MLLT3: variants seen among roughly 807,000 people sequenced by gnomAD.
The protein encoded by MLLT3 is protein AF-9.
In MLLT3, 4 loss-of-function variants were observed where a neutral mutation model predicts 53.2. That is an observed-to-expected ratio of 0.08 (90% CI 0.04 to 0.17). The LOEUF is 0.17. MLLT3 is among the 10% of genes least tolerant of loss of function. The probability of loss-of-function intolerance (pLI) is 1.00; values close to 1 mark genes in which losing one functional copy is unlikely to be tolerated. For missense variants in MLLT3, 569 were observed against 684.0 expected (o/e 0.83, Z 1.87); for synonymous variants, 283 against 230.6 (o/e 1.23, Z -2.06).
At chr9:20,497,810 CT>C (rs1825116461) in intron 2 of MLLT3, among the ~76,000 whole-genome samples, 6 of 152,182 alleles carry the variant, frequency 3.9e-5, no homozygotes, top group South Asian at 2.1e-4. Flanking sequence ...TTTCAATTCT[CT>C]TGGGTAAATA....
chr9:20,511,751 C>T (rs1817754566), intron 2 of MLLT3, among the ~76,000 whole-genome samples: 1 of 152,138 alleles, frequency 6.6e-6, no homozygotes, highest in Admixed American at 6.5e-5. Context: ...TACATACATA[C>T]ATATGCGCAC....
intron 2 of MLLT3, among the ~76,000 whole-genome samples, chr9:20,568,087 G>A (rs1819429752): frequency 6.6e-6 from 1 of 152,144 alleles, no homozygotes; most frequent in Admixed American, 6.6e-5. Flanking sequence ...AAGTAAAAGA[G>A]GGGTGTGTGT....
rs144541484 is a variant in MLLT3, at chr9:20,372,839, T to C, written c.1126-7095A>G. ...TATGACTAGCTGAAGGCCAAGAAAATTGTAAGCATTTCTGGCAACAAGGTA... is the reference window on the plus strand; with the variant it reads ...TATGACTAGCTGAAGGCCAAGAAAACTGTAAGCATTTCTGGCAACAAGGTA... On this transcript the variant is annotated intron_variant, in intron 5 of 10. Transcript: ENST00000380338. 3.3e-5 allele frequency among the ~76,000 whole-genome samples: 5 copies of C among 152,172 alleles called. No homozygotes were observed. The East Asian group carries it at 7.7e-4, about 24-fold the overall frequency.
chr9:20,571,871 G>T (rs906938355), intron 2 of MLLT3, among the ~76,000 whole-genome samples: 1 of 152,142 alleles, frequency 6.6e-6, no homozygotes, highest in Admixed American at 6.5e-5. Flanking sequence ...GAGAACAAAA[G>T]ATAACAAGTA....
rs560455791 is a variant in MLLT3, at chr9:20,483,241, A to T, written c.194-26455T>A. Among the ~76,000 whole-genome samples the T allele has an allele frequency of 2.5e-3, 371 of 148,842 alleles. 2 individuals carry two copies. Among genetic ancestry groups the T allele is most frequent in the South Asian group, 0.023 (107 of 4,736 alleles). On this transcript the variant is annotated intron_variant, in intron 2 of 10. Coordinates refer to ENST00000380338, the MANE Select transcript of MLLT3 (RefSeq NM_004529.4). The stretch of plus-strand genomic sequence containing the variant: ...ATTACTACAAATTATTATTATTATT[A>T]TTTTTTTTTTTGAGACAGGTTCTTG...
At chr9:20,383,157 A>C (rs1318988209) in intron 5 of MLLT3, among the ~76,000 whole-genome samples, 3 of 151,888 alleles carry the variant, frequency 2.0e-5, no homozygotes, top group African/African-American at 7.2e-5. Flanking sequence ...CTACAACACT[A>C]TTGTGTTGTA....
intron 2 of MLLT3, among the ~76,000 whole-genome samples, chr9:20,540,016 C>G (rs551134673): frequency 6.6e-5 from 10 of 152,332 alleles, no homozygotes; most frequent in African/African-American, 2.4e-4. Flanking sequence ...CTACAAACCC[C>G]AGGCAACTCC....
At chr9:20,546,660 A>C (rs1321510989) in intron 2 of MLLT3, among the ~76,000 whole-genome samples, 1 of 152,220 alleles carries the variant, frequency 6.6e-6, no homozygotes, top group Non-Finnish European at 1.5e-5. Context: ...ATGCACCTGA[A>C]TGTGCATTTA....
chr9:20,428,748 A>G lies in MLLT3; in HGVS notation c.421-14323T>C, dbSNP rs554170082. ...TAAAATTCACAGTCCTCACTGAAAG[A>G]CTGAATTAAAACAAAGGAGAGAAAG... On this transcript the variant is annotated intron_variant, in intron 4 of 10. Coordinates refer to ENST00000380338, the MANE Select transcript of MLLT3 (RefSeq NM_004529.4). Among the ~76,000 whole-genome samples the G allele has an allele frequency of 1.3e-4, 20 of 152,258 alleles. No homozygotes were observed. The South Asian group carries it at 3.7e-3, about 28-fold the overall frequency.
intron 10 of MLLT3, among the ~76,000 whole-genome samples, chr9:20,347,654 A>G (rs1820910574): frequency 6.6e-6 from 1 of 152,112 alleles, no homozygotes; most frequent in Non-Finnish European, 1.5e-5. Context: ...TGGGCAGTGT[A>G]TTGGGCACAG....
rs1181494616 is a variant in MLLT3 at position 20,346,074 on chromosome 9, G to C, written c.*369C>G. 1 of 257,084 alleles carries C rather than the reference G, an allele frequency of 3.9e-6. No homozygotes were observed. Among genetic ancestry groups the C allele is most frequent in the Non-Finnish European group, 7.6e-6 (1 of 132,104 alleles). 15.9% of individuals were successfully genotyped at this position (257,084 alleles called of 1,614,324 possible). On this transcript the variant is annotated 3_prime_UTR_variant, in exon 11 of 11. Coordinates refer to ENST00000380338, the MANE Select transcript of MLLT3 (RefSeq NM_004529.4). The stretch of plus-strand genomic sequence containing the variant: ...TGTAATAAGGCAGTGTGTTGAATAT[G>C]CATTCGTCCTGTGGAATGAACCACC...
intron 2 of MLLT3, among the ~76,000 whole-genome samples, chr9:20,534,248 CA>C (rs1047779465): frequency 6.6e-6 from 1 of 152,070 alleles, no homozygotes; most frequent in Non-Finnish European, 1.5e-5. Context: ...AGAACTGACC[CA>C]ACTTTTAAAA....
At chr9:20,589,376 T>C (rs544287290) in intron 2 of MLLT3, among the ~76,000 whole-genome samples, 73 of 142,028 alleles carry the variant, frequency 5.1e-4, no homozygotes, top group Middle Eastern at 3.8e-3. Context: ...TAGGTGGGAA[T>C]TGAACAATGA....
At chr9:20,355,096 A>G (rs995577169) in intron 8 of MLLT3, among the ~76,000 whole-genome samples, 6 of 124,170 alleles carry the variant, frequency 4.8e-5, no homozygotes, top group Non-Finnish European at 8.3e-5. Context: ...AAGTAGAACT[A>G]AAAAAAAAAA....
intron 2 of MLLT3, among the ~76,000 whole-genome samples, chr9:20,545,856 CAAAAAAAAAAAA>C (rs5896901): frequency 1.0e-5 from 1 of 99,858 alleles, no homozygotes; most frequent in East Asian, 2.8e-4. Context: ...CAGTCTCTAC[CAAAAAAAAAAAA>C]AAAAAAAAAA....
At chr9:20,376,520 C>T (rs1821769787) in intron 5 of MLLT3, among the ~76,000 whole-genome samples, 1 of 152,126 alleles carries the variant, frequency 6.6e-6, no homozygotes, top group Admixed American at 6.5e-5. Context: ...ATTACATTCA[C>T]TTTCTTCATT....
intron 3 of MLLT3, among the ~76,000 whole-genome samples, chr9:20,456,453 A>T (rs150975343): frequency 5.2e-4 from 79 of 152,332 alleles, no homozygotes; most frequent in African/African-American, 1.8e-3. Flanking sequence ...CCAAAATGGT[A>T]ATCACTCCTC....
At chr9:20,442,409 G>C (rs1406352656) in intron 4 of MLLT3, among the ~76,000 whole-genome samples, 1 of 152,158 alleles carries the variant, frequency 6.6e-6, no homozygotes, top group East Asian at 1.9e-4. Flanking sequence ...AACTATGTAT[G>C]AGTTTATTTA....
At chr9:20,371,983 T>C (rs1357970836) in intron 5 of MLLT3, among the ~76,000 whole-genome samples, 1 of 152,160 alleles carries the variant, frequency 6.6e-6, no homozygotes, top group African/African-American at 2.4e-5. Context: ...AAAAAGCTGA[T>C]TTCAACCTTC....
Sources: allele counts gnomAD v4.1 joint callset (sites outside exome capture counted in the v4.1 genomes callset), GRCh38; gene constraint gnomAD v4.1.1; transcripts MANE v1.5; gene names NCBI Gene and HGNC (gene_info 2026-07-23, HGNC 2026-07-21).